ZDHHC11: variants seen among roughly 807,000 people sequenced by gnomAD.
ZDHHC11 encodes the protein palmitoyltransferase ZDHHC11.
Under a neutral mutation model 51.3 loss-of-function variants are expected in ZDHHC11, and 44 were observed. That is an observed-to-expected ratio of 0.86 (90% CI 0.67 to 1.10). The LOEUF is 1.10. Ranked by LOEUF, ZDHHC11 falls within the 50% of genes least tolerant of loss-of-function variation. The probability of loss-of-function intolerance (pLI) is 0.00; values close to 1 mark genes in which losing one functional copy is unlikely to be tolerated. For synonymous variants in ZDHHC11, 163 were observed against 222.0 expected, an observed-to-expected ratio of 0.73 and a Z score of 2.36; for missense variants, 400 against 537.7, an observed-to-expected ratio of 0.74 and a Z score of 2.53.
At chr5:810,632 C>A (rs545949581) in intron 11 of ZDHHC11, among the ~76,000 whole-genome samples, 62 of 151,486 alleles carry the variant, frequency 4.1e-4, no homozygotes, top group African/African-American at 1.5e-3. Context: ...AAGTAAAAGG[C>A]TGTGAGTGAG....
At chr5:800,545 A>C (rs1738267544) in intron 12 of ZDHHC11, among the ~76,000 whole-genome samples, 1 of 151,494 alleles carries the variant, frequency 6.6e-6, no homozygotes, top group Non-Finnish European at 1.5e-5. Context: ...CTGGCAGAGC[A>C]TGTCTGGATG....
At chr5:805,469 T>C (rs113265563) in intron 11 of ZDHHC11, among the ~76,000 whole-genome samples, 540 of 147,976 alleles carry the variant, frequency 3.6e-3, no homozygotes, top group Non-Finnish European at 5.4e-3. Flanking sequence ...TAGGGTGTTA[T>C]ACATTTAAGA....
At chr5:850,259 T>C (rs1341860753) in intron 1 of ZDHHC11, 122 bp downstream of exon 1, 1 of 1,143,202 alleles carries the variant, frequency 8.7e-7, no homozygotes, top group African/African-American at 1.5e-5. Context: ...GGGGACATAG[T>C]CTGGCCCAGG....
At chr5:831,154 C>A (rs1349542019) in intron 7 of ZDHHC11, among the ~76,000 whole-genome samples, 7 of 149,202 alleles carry the variant, frequency 4.7e-5, no homozygotes, top group African/African-American at 1.7e-4. Context: ...TAAATAAGTA[C>A]CTTCTGCACA....
chr5:814,538 G>A (rs111955818), intron 11 of ZDHHC11, among the ~76,000 whole-genome samples: 5,880 of 151,414 alleles, frequency 0.039, 336 homozygotes, highest in Non-Finnish European at 0.056. Context: ...ATTTTTGTGC[G>A]TAAGTTCAAA....
intron 12 of ZDHHC11, among the ~76,000 whole-genome samples, chr5:800,499 CCCCT>C (rs1452611096): frequency 1.3e-5 from 2 of 151,074 alleles, no homozygotes; most frequent in Non-Finnish European, 3.0e-5. Context: ...GGAGAGCATG[CCCCT>C]CTGTTTTCAA....
At chr5:806,219 T>G (rs561279091) in intron 11 of ZDHHC11, among the ~76,000 whole-genome samples, 1 of 151,212 alleles carries the variant, frequency 6.6e-6, no homozygotes, top group Non-Finnish European at 1.5e-5. Flanking sequence ...TGAGTGGAAT[T>G]GACTAGACAG....
intron 11 of ZDHHC11, among the ~76,000 whole-genome samples, chr5:809,406 A>G (rs1000821461): frequency 6.9e-6 from 1 of 143,960 alleles, no homozygotes; most frequent in Non-Finnish European, 1.5e-5. Context: ...CTTTGGTGTC[A>G]GCTCCCAAAT....
chr5:799,816 A>G (rs1477869548), intron 12 of ZDHHC11, among the ~76,000 whole-genome samples: 2 of 151,424 alleles, frequency 1.3e-5, no homozygotes, highest in Non-Finnish European at 3.0e-5. Context: ...AAAGATTTTA[A>G]TTTTGCAACT....
chr5:846,749 GAGCCTC>G (rs1176243803), intron 3 of ZDHHC11, among the ~76,000 whole-genome samples: 1 of 139,870 alleles, frequency 7.1e-6, no homozygotes, highest in African/African-American at 2.8e-5. Context: ...TCTCGTTCTT[GAGCCTC>G]CACCGTGCTC....
At chr5:820,352 TAAGCC>T (rs1230312512) in intron 9 of ZDHHC11, among the ~76,000 whole-genome samples, 1 of 151,638 alleles carries the variant, frequency 6.6e-6, no homozygotes, top group Non-Finnish European at 1.5e-5. Flanking sequence ...CTTTTCCCAG[TAAGCC>T]ATACACCTTG....
chr5:828,634 T>C (rs1742661696), intron 7 of ZDHHC11, among the ~76,000 whole-genome samples: 1 of 151,330 alleles, frequency 6.6e-6, no homozygotes, highest in Admixed American at 6.6e-5. Flanking sequence ...CCTTAAACTA[T>C]ATCCTAGAAC....
intron 7 of ZDHHC11, among the ~76,000 whole-genome samples, chr5:829,613 G>C (rs1296044134): frequency 6.6e-6 from 1 of 151,430 alleles, no homozygotes; most frequent in African/African-American, 2.4e-5. Context: ...AAAAGATAAA[G>C]AGGGAATCGT....
At chr5:798,066 C>T (rs1737841133) in intron 12 of ZDHHC11, among the ~76,000 whole-genome samples, 1 of 146,720 alleles carries the variant, frequency 6.8e-6, no homozygotes, top group Non-Finnish European at 1.5e-5. Context: ...ATGACTGATC[C>T]CCCCTGATTC....
At chr5:802,568 A>G (rs1180390771) in intron 11 of ZDHHC11, among the ~76,000 whole-genome samples, 6 of 150,844 alleles carry the variant, frequency 4.0e-5, no homozygotes, top group Middle Eastern at 3.4e-3. Context: ...GTAGAAAGCT[A>G]TAGAGGCTGG....
At chr5:798,241 C>G (rs1737871695) in intron 12 of ZDHHC11, among the ~76,000 whole-genome samples, 1 of 151,320 alleles carries the variant, frequency 6.6e-6, no homozygotes, top group South Asian at 2.1e-4. Flanking sequence ...ATGAAGTTGA[C>G]CAGGTTTCAC....
chr5:815,070 G>C (rs1368997703), intron 10 of ZDHHC11, among the ~76,000 whole-genome samples: 2 of 151,348 alleles, frequency 1.3e-5, no homozygotes, highest in African/African-American at 4.8e-5. Flanking sequence ...GGTCTTGAAA[G>C]AGGTAATGGA....
intron 3 of ZDHHC11, among the ~76,000 whole-genome samples, chr5:845,733 C>T (rs1168166162): frequency 6.6e-6 from 1 of 151,728 alleles, no homozygotes; most frequent in Non-Finnish European, 1.5e-5. Context: ...TGCCGTTGCT[C>T]TCTCCGCCTC....
chr5:840,240 T>C, intron 5 of ZDHHC11: 1 of 721,126 alleles, frequency 1.4e-6, no homozygotes, highest in South Asian at 1.5e-5. Context: ...CCTGCAGGTC[T>C]CGGCGTGAGT....
Sources: allele counts gnomAD v4.1 joint callset (sites outside exome capture counted in the v4.1 genomes callset), GRCh38; gene constraint gnomAD v4.1.1; transcripts MANE v1.5; gene names NCBI Gene and HGNC (gene_info 2026-07-23, HGNC 2026-07-21).